GALNT13: variants seen among roughly 807,000 people sequenced by gnomAD.
GALNT13 encodes UDP-GalNAc:polypeptide N-acetylgalactosaminyltransferase 13.
GALNT13 carries 28 observed loss-of-function variants against 64.2 expected under a neutral mutation model. That is an observed-to-expected ratio of 0.44 (90% CI 0.32 to 0.60). GALNT13 has a LOEUF of 0.60. Ranked by LOEUF, GALNT13 falls within the 20% of genes least tolerant of loss-of-function variation. The pLI is 0.05. For synonymous variants in GALNT13, 214 were observed against 224.6 expected (o/e 0.95, Z 0.42); for missense variants, 577 against 669.8 (o/e 0.86, Z 1.53).
the GALNT13 span, among the ~76,000 whole-genome samples, chr2:153,265,919 T>G: frequency 6.6e-6 from 1 of 152,186 alleles, no homozygotes; most frequent in African/African-American, 2.4e-5. Context: ...TGAAAGAAGA[T>G]CTAGTGTGGG....
the GALNT13 span, among the ~76,000 whole-genome samples, chr2:153,215,242 T>C: frequency 6.6e-6 from 1 of 152,058 alleles, no homozygotes; most frequent in Non-Finnish European, 1.5e-5. Flanking sequence ...TCTCAACCCC[T>C]AAAGAAGTAG....
At chr2:153,341,964 C>CCAGCAGCCAG in the GALNT13 span, among the ~76,000 whole-genome samples, 2 of 152,130 alleles carry the variant, frequency 1.3e-5, no homozygotes, top group African/African-American at 4.8e-5. Flanking sequence ...GTGATAACCA[C>CCAGCAGCCAG]CAGCAGCCAG....
At chr2:154,446,718 A>T in intron 12 of GALNT13, 1 of 1,545,024 alleles carries the variant, frequency 6.5e-7, no homozygotes, top group Non-Finnish European at 8.7e-7. Context: ...AATTTTTAGA[A>T]ATATTTTTGG....
chr2:153,892,616 T>C (rs900101788), intron 1 of GALNT13, among the ~76,000 whole-genome samples: 1 of 152,054 alleles, frequency 6.6e-6, no homozygotes, highest in Non-Finnish European at 1.5e-5. Context: ...TTTTACAGTG[T>C]AGTATAAGCT....
intron 11 of GALNT13, among the ~76,000 whole-genome samples, chr2:154,414,192 T>TACTA (rs1238468172): frequency 6.6e-6 from 1 of 152,082 alleles, no homozygotes; most frequent in Non-Finnish European, 1.5e-5. Context: ...TTTTAAGGTA[T>TACTA]ACTAACAAAT....
the GALNT13 span, among the ~76,000 whole-genome samples, chr2:153,834,210 G>A: frequency 6.6e-6 from 1 of 151,990 alleles, no homozygotes; most frequent in Admixed American, 6.6e-5. Flanking sequence ...CTTAATCTAG[G>A]GAAGCCCTAC....
chr2:153,498,993 G>C, the GALNT13 span, among the ~76,000 whole-genome samples: 1 of 152,070 alleles, frequency 6.6e-6, no homozygotes, highest in African/African-American at 2.4e-5. Flanking sequence ...GACCACAGGC[G>C]CCCGCCACCA....
the GALNT13 span, among the ~76,000 whole-genome samples, chr2:153,399,381 C>G: frequency 2.6e-5 from 4 of 152,176 alleles, no homozygotes; most frequent in African/African-American, 4.8e-5. Flanking sequence ...TTGTTCTTTT[C>G]GCTTAGGATT....
At chr2:154,192,922 T>G (rs1250349250) in intron 4 of GALNT13, among the ~76,000 whole-genome samples, 3 of 152,212 alleles carry the variant, frequency 2.0e-5, no homozygotes, top group African/African-American at 7.2e-5. Flanking sequence ...TTCACAACAT[T>G]GAAAGTTGGG....
At chr2:153,179,575 C>A in the GALNT13 span, among the ~76,000 whole-genome samples, 13 of 151,956 alleles carry the variant, frequency 8.6e-5, no homozygotes, top group East Asian at 2.1e-3. Flanking sequence ...TGTATTTTTT[C>A]TATTTATAGG....
At chr2:153,378,290 A>T in the GALNT13 span, among the ~76,000 whole-genome samples, 1 of 148,250 alleles carries the variant, frequency 6.7e-6, no homozygotes, top group East Asian at 1.9e-4. Flanking sequence ...ATAGATAGAT[A>T]GATAGATAGA....
the GALNT13 span, among the ~76,000 whole-genome samples, chr2:153,320,769 A>G: frequency 2.6e-5 from 4 of 152,216 alleles, no homozygotes; most frequent in Non-Finnish European, 5.9e-5. Context: ...TACCAAATAA[A>G]GTTCACCTTA....
the GALNT13 span, among the ~76,000 whole-genome samples, chr2:153,717,685 AAG>A: frequency 6.6e-6 from 1 of 152,214 alleles, no homozygotes; most frequent in Non-Finnish European, 1.5e-5. Context: ...GCAAAAAAGA[AAG>A]AAGCACAAAT....
the GALNT13 span, among the ~76,000 whole-genome samples, chr2:153,555,227 C>T: frequency 5.7e-5 from 5 of 87,472 alleles, no homozygotes; most frequent in Non-Finnish European, 1.1e-4. Context: ...CGGAGTCTTG[C>T]TCTGTCACCC....
At chr2:154,428,641 T>C (rs986547636) in intron 11 of GALNT13, among the ~76,000 whole-genome samples, 1 of 152,240 alleles carries the variant, frequency 6.6e-6, no homozygotes, top group African/African-American at 2.4e-5. Context: ...CAACCCTACA[T>C]GGAGCATGTC....
At chr2:153,952,812 G>T (rs1405692158) in intron 3 of GALNT13, among the ~76,000 whole-genome samples, 1 of 152,130 alleles carries the variant, frequency 6.6e-6, no homozygotes, top group Admixed American at 6.6e-5. Context: ...TTCAATCTGT[G>T]GTTGAAGTTA....
chr2:153,801,796 G>A, the GALNT13 span, among the ~76,000 whole-genome samples: 145 of 152,266 alleles, frequency 9.5e-4, 2 homozygotes, highest in East Asian at 9.8e-3. Context: ...CACAATATCT[G>A]AAAAGCATAA....
the GALNT13 span, among the ~76,000 whole-genome samples, chr2:153,128,243 A>C: frequency 1.2e-3 from 176 of 152,300 alleles, no homozygotes; most frequent in African/African-American, 4.2e-3. Context: ...TTACAAAAGA[A>C]AGAGGTTTAA....
chr2:153,289,078 T>C, the GALNT13 span, among the ~76,000 whole-genome samples: 1 of 152,210 alleles, frequency 6.6e-6, no homozygotes, highest in African/African-American at 2.4e-5. Flanking sequence ...TCTGGATTTC[T>C]TTTTACCATA....
Sources: allele counts gnomAD v4.1 joint callset (sites outside exome capture counted in the v4.1 genomes callset), GRCh38; gene constraint gnomAD v4.1.1; transcripts MANE v1.5; gene names NCBI Gene and HGNC (gene_info 2026-07-23, HGNC 2026-07-21).